LRRC7: variants seen among roughly 807,000 people sequenced by gnomAD.
LRRC7 encodes the protein leucine-rich repeat-containing protein 7.
In LRRC7, 23 loss-of-function variants were observed where a neutral mutation model predicts 175.7. The observed-to-expected ratio is 0.13, with a 90% confidence interval of 0.09 to 0.19. LRRC7 has a LOEUF of 0.19. LRRC7 is among the 10% of genes least tolerant of loss of function. The pLI is 1.00. For missense variants in LRRC7, 1,354 were observed against 1,904.7 expected, an observed-to-expected ratio of 0.71 and a Z score of 5.38; for synonymous variants, 685 against 680.9, an observed-to-expected ratio of 1.01 and a Z score of -0.09.
intron 6 of LRRC7, 151 bp from the exon 7 acceptor site, chr1:69,838,076 A>G: frequency 1.9e-6 from 1 of 540,062 alleles, no homozygotes. Flanking sequence ...TCTTTGTGTT[A>G]GAAATATTCC....
intron 7 of LRRC7, among the ~76,000 whole-genome samples, chr1:69,892,953 C>T (rs1391706426): frequency 6.6e-6 from 1 of 152,114 alleles, no homozygotes; most frequent in African/African-American, 2.4e-5. Context: ...ATTTGATTTA[C>T]CTCCAAGGCA....
At position 70,072,759 on chromosome 1, in the gene LRRC7, C is replaced by T. The variant is rs551612219; in HGVS notation, c.4231-3318C>T. On this transcript the variant is annotated intron_variant, in intron 23 of 26. Transcript: ENST00000651989. ...ATCCTATTTGCTTAACTGTAAAGGT[C>T]GAAGTCACATGCACAGCATCTAAAA... Among the ~76,000 whole-genome samples, 4 of 152,278 alleles carry T rather than the reference C, an allele frequency of 2.6e-5. No individual in the cohort carries two copies. The South Asian group carries it at 6.2e-4, about 24-fold the overall frequency.
At chr1:70,120,586 G>A (rs1179947951) in intron 26 of LRRC7, among the ~76,000 whole-genome samples, 4 of 152,032 alleles carry the variant, frequency 2.6e-5, no homozygotes, top group Non-Finnish European at 5.9e-5. Flanking sequence ...CACTGAAAGA[G>A]TCTAATTATT....
At chr1:70,051,600 A>G (rs536306885) in intron 22 of LRRC7, among the ~76,000 whole-genome samples, 1 of 152,120 alleles carries the variant, frequency 6.6e-6, no homozygotes, top group South Asian at 2.1e-4. Context: ...AATTTTTCAA[A>G]TAAACACACA....
At chr1:69,822,059 G>A (rs12064373) in intron 4 of LRRC7, among the ~76,000 whole-genome samples, 2,711 of 152,248 alleles carry the variant, frequency 0.018, 88 homozygotes, top group African/African-American at 0.062. Context: ...TCAGCCAGAT[G>A]ATGGATTCTG....
intron 4 of LRRC7, among the ~76,000 whole-genome samples, chr1:69,801,822 T>C (rs1456828785): frequency 6.6e-6 from 1 of 151,058 alleles, no homozygotes; most frequent in Non-Finnish European, 1.5e-5. Context: ...GTGACCTTTC[T>C]ATTTTTTTTT....
At chr1:69,671,288 T>C (rs1251209540) in intron 1 of LRRC7, among the ~76,000 whole-genome samples, 1 of 152,106 alleles carries the variant, frequency 6.6e-6, no homozygotes, top group Non-Finnish European at 1.5e-5. Context: ...AGTAGTATCA[T>C]GTAGGAAGTA....
intron 10 of LRRC7, 94 bp from the exon 11 acceptor site, chr1:69,994,467 C>CA: frequency 1.1e-6 from 1 of 877,508 alleles, no homozygotes; most frequent in Non-Finnish European, 1.9e-6. Context: ...GCATGCCAAG[C>CA]ATTCAACACA....
At chr1:70,016,592 A>T (rs1656982339) in intron 14 of LRRC7, 58 bp downstream of exon 14, 2 of 1,335,182 alleles carry the variant, frequency 1.5e-6, no homozygotes, top group Non-Finnish European at 1.0e-6. Context: ...GAAAGTTTGA[A>T]TTACTAATTT....
intron 25 of LRRC7, among the ~76,000 whole-genome samples, chr1:70,097,074 A>G (rs1190095445): frequency 6.6e-6 from 1 of 152,228 alleles, no homozygotes. Flanking sequence ...CACATAGGTA[A>G]TGAATGAAAA....
chr1:70,117,626 T>TA (rs1238219553), intron 26 of LRRC7, among the ~76,000 whole-genome samples: 1 of 152,198 alleles, frequency 6.6e-6, no homozygotes, highest in Admixed American at 6.5e-5. Flanking sequence ...ATGATTATAG[T>TA]AAAATGTTCC....
chr1:69,840,336 G>T (rs1681587723), intron 7 of LRRC7, among the ~76,000 whole-genome samples: 1 of 151,910 alleles, frequency 6.6e-6, no homozygotes, highest in Non-Finnish European at 1.5e-5. Context: ...AGCTACACGA[G>T]AGCATTATAG....
At chr1:69,721,907 C>T (rs1345498314) in intron 2 of LRRC7, among the ~76,000 whole-genome samples, 2 of 151,676 alleles carry the variant, frequency 1.3e-5, no homozygotes, top group Non-Finnish European at 3.0e-5. Context: ...TAAGTGTATA[C>T]TTCAGTGGCA....
chr1:70,125,791 C>CAAAA lies in LRRC7; in HGVS notation c.*3922_*3925dup, dbSNP rs577047180. On this transcript the variant is annotated 3_prime_UTR_variant, in exon 27 of 27. Coordinates refer to ENST00000651989, the MANE Select transcript of LRRC7 (RefSeq NM_001370785.2). Reference sequence around the variant, plus strand: ...TGGGCGACAGAGCGAGACTCCGTCTCAAAAAAAAAAAAAAAAAAAAAGAGA... The same window carrying CAAAA: ...TGGGCGACAGAGCGAGACTCCGTCTCAAAAAAAAAAAAAAAAAAAAAAAAAGAGA... Among the ~76,000 whole-genome samples, 12 of 87,228 alleles carry CAAAA rather than the reference C, an allele frequency of 1.4e-4. No homozygotes were observed. The highest frequency in any genetic ancestry group is 3.3e-4 in the East Asian group (1 of 3,048). The allele number at this position is 87,228 out of a possible 152,430, so 57.2% of individuals were successfully genotyped here.
chr1:69,819,236 C>G (rs563686529), intron 4 of LRRC7, among the ~76,000 whole-genome samples: 129 of 152,050 alleles, frequency 8.5e-4, no homozygotes, highest in Admixed American at 2.6e-3. Context: ...TGCTGAATCC[C>G]ATAAGTTTTG....
intron 1 of LRRC7, among the ~76,000 whole-genome samples, chr1:69,620,708 T>C (rs939871450): frequency 1.3e-5 from 2 of 152,204 alleles, no homozygotes; most frequent in Non-Finnish European, 1.5e-5. Context: ...TTCTTAACGA[T>C]ATTCCTCCTT....
Position 70,142,605 on chromosome 1 carries a change from AT to A in LRRC7, c.*20720del, listed in dbSNP as rs1239324385. The A allele has an allele frequency of 2.0e-5, 3 of 152,126 alleles. No individual in the cohort carries two copies. Among genetic ancestry groups the A allele is most frequent in the Non-Finnish European group, 4.4e-5 (3 of 67,972 alleles). 9.4% of individuals were successfully genotyped at this position (152,126 alleles called of 1,614,324 possible). On this transcript the variant is annotated 3_prime_UTR_variant, in exon 27 of 27. Transcript: ENST00000651989. ...GGAAAATTAGAAGTAAATCTACCAAATTCTGTTTGTAAATTTTAAAGACCAC... is the reference window on the plus strand; with the variant it reads ...GGAAAATTAGAAGTAAATCTACCAAATCTGTTTGTAAATTTTAAAGACCAC...
At chr1:69,941,142 C>T (rs1442477877) in intron 8 of LRRC7, among the ~76,000 whole-genome samples, 1 of 151,990 alleles carries the variant, frequency 6.6e-6, no homozygotes, top group Non-Finnish European at 1.5e-5. Flanking sequence ...CTGTGGACAG[C>T]AAGAAGCCCA....
chr1:69,915,721 A>G (rs1646666229), intron 7 of LRRC7, among the ~76,000 whole-genome samples: 1 of 152,066 alleles, frequency 6.6e-6, no homozygotes, highest in African/African-American at 2.4e-5. Context: ...ACTTTAGAAA[A>G]CACTTTCTTA....
Sources: allele counts gnomAD v4.1 joint callset (sites outside exome capture counted in the v4.1 genomes callset), GRCh38; gene constraint gnomAD v4.1.1; transcripts MANE v1.5; gene names NCBI Gene and HGNC (gene_info 2026-07-23, HGNC 2026-07-21).